The following ZNF423 variants were observed in gnomAD, a reference collection of about 807,000 sequenced individuals.
The protein encoded by ZNF423 is zinc finger protein 423.
In ZNF423, 12 loss-of-function variants were observed where a neutral mutation model predicts 95.8. The ratio of observed to expected loss-of-function variants is 0.13; its 90% CI spans 0.08 to 0.20. The LOEUF (loss-of-function observed/expected upper bound fraction) is 0.20. ZNF423 is among the 10% of genes least tolerant of loss of function. The probability of loss-of-function intolerance (pLI) is 1.00; values close to 1 mark genes in which losing one functional copy is unlikely to be tolerated. For missense variants in ZNF423, 1,316 were observed against 1,737.1 expected (o/e 0.76, Z 4.31); for synonymous variants, 749 against 711.9 (o/e 1.05, Z -0.83).
intron 3 of ZNF423, among the ~76,000 whole-genome samples, chr16:49,671,696 T>A (rs1414619260): frequency 1.3e-5 from 2 of 152,206 alleles, no homozygotes; most frequent in Non-Finnish European, 2.9e-5. Flanking sequence ...TTTATTATTT[T>A]TTTTTGAGGC....
intron 1 of ZNF423, among the ~76,000 whole-genome samples, chr16:49,845,262 G>A (rs191799178): frequency 1.7e-3 from 256 of 150,848 alleles, no homozygotes; most frequent in Non-Finnish European, 3.4e-3. Context: ...ATGCCACCAC[G>A]CCTGGCTATT....
intron 7 of ZNF423, among the ~76,000 whole-genome samples, chr16:49,508,442 C>T (rs144406611): frequency 1.6e-3 from 242 of 148,866 alleles, no homozygotes; most frequent in African/African-American, 5.8e-3. Context: ...ACTGCTTGAA[C>T]CCAGGAGTTC....
chr16:49,821,831 A>T (rs1375076073), intron 1 of ZNF423, among the ~76,000 whole-genome samples: 1 of 151,930 alleles, frequency 6.6e-6, no homozygotes, highest in Non-Finnish European at 1.5e-5. Context: ...CAGGGTATTT[A>T]TTACCACCCC....
intron 5 of ZNF423, among the ~76,000 whole-genome samples, chr16:49,609,495 A>G (rs1971649563): frequency 1.3e-5 from 2 of 152,230 alleles, no homozygotes; most frequent in Non-Finnish European, 2.9e-5. Context: ...GGAAAAAAAA[A>G]GAAGTCCAGC....
chr16:49,745,768 C>T (rs2033509455), intron 2 of ZNF423, among the ~76,000 whole-genome samples: 1 of 152,100 alleles, frequency 6.6e-6, no homozygotes, highest in South Asian at 2.1e-4. Context: ...TTATAAATTG[C>T]CGAGATGCCT....
At chr16:49,776,133 A>G (rs2143740111) in intron 2 of ZNF423, among the ~76,000 whole-genome samples, 1 of 152,334 alleles carries the variant, frequency 6.6e-6, no homozygotes, top group East Asian at 1.9e-4. Flanking sequence ...GAGCACATGG[A>G]GTCGGCAGCA....
At chr16:49,795,566 C>T (rs1300778027) in intron 1 of ZNF423, among the ~76,000 whole-genome samples, 1 of 152,198 alleles carries the variant, frequency 6.6e-6, no homozygotes, top group Non-Finnish European at 1.5e-5. Context: ...CTGAGTGTGA[C>T]CTCAACAATC....
At chr16:49,824,611 G>A (rs1276986716) in intron 1 of ZNF423, among the ~76,000 whole-genome samples, 1 of 152,182 alleles carries the variant, frequency 6.6e-6, no homozygotes, top group Admixed American at 6.5e-5. Context: ...TGGGTGGGGA[G>A]CCAGGAGACC....
Position 49,584,371 on chromosome 16 carries a change from CT to C in ZNF423, c.3601+41798del, listed in dbSNP as rs1054360910. Among the ~76,000 whole-genome samples the C allele has an allele frequency of 2.7e-4, 41 of 152,176 alleles. 1 individual carries two copies. The highest frequency in any genetic ancestry group is 2.9e-5 in the Non-Finnish European group (2 of 68,032). ...CTGCCTACGCTTAGGGCATCCTGTA[CT>C]TTGTCCAAAAACTGTGTTTTTCAAG... On this transcript the variant is annotated intron_variant, in intron 5 of 7. Coordinates refer to ENST00000563137, the MANE Select transcript of ZNF423 (RefSeq NM_001379286.1).
chr16:49,641,157 C>G (rs1034374691), intron 3 of ZNF423, among the ~76,000 whole-genome samples: 12 of 152,224 alleles, frequency 7.9e-5, no homozygotes, highest in Non-Finnish European at 1.0e-4. Context: ...TCCACTCCCA[C>G]TGGACAGACG....
intron 1 of ZNF423, among the ~76,000 whole-genome samples, chr16:49,805,863 A>G (rs894375285): frequency 6.6e-6 from 1 of 152,230 alleles, no homozygotes; most frequent in East Asian, 1.9e-4. Flanking sequence ...GCGTCCAACG[A>G]GCAACACGAA....
intron 2 of ZNF423, among the ~76,000 whole-genome samples, chr16:49,771,279 T>C (rs1427774968): frequency 6.9e-6 from 1 of 144,014 alleles, no homozygotes; most frequent in African/African-American, 2.6e-5. Flanking sequence ...CTCAGCTCAC[T>C]GCAACCTCCA....
chr16:49,785,606 T>C (rs1329902783), intron 2 of ZNF423, among the ~76,000 whole-genome samples: 1 of 152,248 alleles, frequency 6.6e-6, no homozygotes, highest in African/African-American at 2.4e-5. Flanking sequence ...GCTTTTCTTT[T>C]AAAACCTCTG....
At chr16:49,668,590 G>C (rs758791835) in intron 3 of ZNF423, among the ~76,000 whole-genome samples, 10 of 152,188 alleles carry the variant, frequency 6.6e-5, no homozygotes, top group Non-Finnish European at 1.2e-4. Flanking sequence ...GCTGACCCCT[G>C]GTATGCCTGG....
At chr16:49,591,421 A>G (rs977219171) in intron 5 of ZNF423, among the ~76,000 whole-genome samples, 5 of 152,178 alleles carry the variant, frequency 3.3e-5, no homozygotes, top group African/African-American at 7.2e-5. Context: ...AAAACTAAAC[A>G]TAAATATGCA....
chr16:49,714,259 T>C (rs2032635384), intron 3 of ZNF423, among the ~76,000 whole-genome samples: 1 of 152,144 alleles, frequency 6.6e-6, no homozygotes. Context: ...GGTGCTTACC[T>C]CCTTATTATC....
intron 7 of ZNF423, among the ~76,000 whole-genome samples, chr16:49,516,366 C>T (rs953125577): frequency 6.6e-6 from 1 of 152,236 alleles, no homozygotes; most frequent in Non-Finnish European, 1.5e-5. Flanking sequence ...GCCATCTGAT[C>T]CTCAAACTGC....
chr16:49,662,870 G>A (rs545735352), intron 3 of ZNF423, among the ~76,000 whole-genome samples: 6 of 152,342 alleles, frequency 3.9e-5, no homozygotes, highest in South Asian at 2.1e-4. Context: ...AGATGCCCAC[G>A]TGGGGCTCAG....
At chr16:49,858,761 G>T (rs1375693280), upstream of ZNF423, among the ~76,000 whole-genome samples, 1 of 151,928 alleles carries the variant, frequency 6.6e-6, no homozygotes, top group African/African-American at 2.4e-5. The surrounding 1 kb of genome is among the most constrained non-coding windows in gnomAD (Gnocchi z 4.3). Flanking sequence ...GACGGAGTTG[G>T]GCTGAACCGG....
Sources: allele counts gnomAD v4.1 joint callset (sites outside exome capture counted in the v4.1 genomes callset), GRCh38; gene constraint gnomAD v4.1.1; non-coding constraint Gnocchi (gnomAD v3.1); transcripts MANE v1.5; gene names NCBI Gene and HGNC (gene_info 2026-07-23, HGNC 2026-07-21).